The following MACROD2 variants were observed in gnomAD, a reference collection of about 807,000 sequenced individuals.
The protein encoded by MACROD2 is mono-ADP ribosylhydrolase 2, also known as ADP-ribose glycohydrolase MACROD2.
Under a neutral mutation model 70.4 loss-of-function variants are expected in MACROD2, and 36 were observed. That is an observed-to-expected ratio of 0.51 (90% CI 0.39 to 0.68). The LOEUF (loss-of-function observed/expected upper bound fraction) is 0.68. MACROD2 is among the 30% of genes least tolerant of loss of function. The probability of loss-of-function intolerance (pLI) is 0.00; values close to 1 mark genes in which losing one functional copy is unlikely to be tolerated. For synonymous variants in MACROD2, 172 were observed against 178.8 expected, an observed-to-expected ratio of 0.96 and a Z score of 0.30; for missense variants, 496 against 538.4, an observed-to-expected ratio of 0.92 and a Z score of 0.78.
chr20:15,628,964 T>G (rs2049247871), intron 8 of MACROD2, among the ~76,000 whole-genome samples: 2 of 152,262 alleles, frequency 1.3e-5, no homozygotes, highest in African/African-American at 2.4e-5. Flanking sequence ...CATTGCAGTA[T>G]TCTATCACAT....
intron 8 of MACROD2, among the ~76,000 whole-genome samples, chr20:15,513,286 CCT>C (rs36117947): frequency 0.056 from 8,484 of 152,166 alleles, 469 homozygotes; most frequent in East Asian, 0.28. Flanking sequence ...AAGAAAATCC[CCT>C]GTTTTCTAAG....
chr20:14,816,890 C>A (rs951969949), intron 5 of MACROD2, among the ~76,000 whole-genome samples: 2 of 151,664 alleles, frequency 1.3e-5, no homozygotes, highest in East Asian at 3.9e-4. Context: ...TAAATAATTG[C>A]AAAATGTAAA....
At chr20:14,723,624 T>TGCTTTA (rs2071494987) in intron 5 of MACROD2, among the ~76,000 whole-genome samples, 1 of 151,240 alleles carries the variant, frequency 6.6e-6, no homozygotes, top group African/African-American at 2.4e-5. Context: ...TCAAAGACTT[T>TGCTTTA]GCTTTAAATG....
chr20:15,274,638 A>T (rs2077374643), intron 6 of MACROD2, among the ~76,000 whole-genome samples: 1 of 152,224 alleles, frequency 6.6e-6, no homozygotes, highest in African/African-American at 2.4e-5. Context: ...ATTGAGTTTC[A>T]TTCATTCAGT....
intron 8 of MACROD2, among the ~76,000 whole-genome samples, chr20:15,763,802 T>C (rs1224117565): frequency 6.6e-6 from 1 of 152,240 alleles, no homozygotes; most frequent in Non-Finnish European, 1.5e-5. Context: ...AAAGGCTGTG[T>C]AGTTTCATGG....
At chr20:15,287,239 G>T (rs2146099921) in intron 6 of MACROD2, among the ~76,000 whole-genome samples, 1 of 152,282 alleles carries the variant, frequency 6.6e-6, no homozygotes, top group Admixed American at 6.5e-5. Flanking sequence ...AAGAAAGAGA[G>T]CTATTTTCTC....
rs970306874 is a variant in MACROD2 at position 15,322,572 on chromosome 20, C to T, written c.540+92511C>T. 2.8e-5 allele frequency among the ~76,000 whole-genome samples: 4 copies of T among 144,180 alleles called. 1 individual carries two copies. The highest frequency in any genetic ancestry group is 6.9e-5 in the Admixed American group (1 of 14,434). 94.6% of individuals were successfully genotyped at this position (144,180 alleles called of 152,430 possible). ...GAAAACCAAAATTCGTACTCTCCCC[C>T]GCTCAACTATTTAGCCTGAGGTAAT... is the stretch of plus-strand genomic sequence containing the variant. On this transcript the variant is annotated intron_variant, in intron 6 of 17. Coordinates refer to ENST00000684519, the MANE Select transcript of MACROD2 (RefSeq NM_001351661.2).
At chr20:14,147,054 G>A (rs2054952135) in intron 3 of MACROD2, among the ~76,000 whole-genome samples, 1 of 152,166 alleles carries the variant, frequency 6.6e-6, no homozygotes, top group African/African-American at 2.4e-5. Context: ...TGGTAAAAGG[G>A]AAGCCAGGGA....
chr20:15,662,185 T>C (rs1320389308), intron 8 of MACROD2, among the ~76,000 whole-genome samples: 1 of 152,218 alleles, frequency 6.6e-6, no homozygotes, highest in Non-Finnish European at 1.5e-5. Flanking sequence ...CTGTTTATTA[T>C]TTTTCAGAGT....
chr20:15,655,016 C>T (rs1029089431), intron 8 of MACROD2, among the ~76,000 whole-genome samples: 5 of 152,092 alleles, frequency 3.3e-5, no homozygotes, highest in South Asian at 2.1e-4. Context: ...CACTAAGTCT[C>T]GTCTATAGGA....
At chr20:15,175,370 T>C (rs1190479497) in intron 5 of MACROD2, among the ~76,000 whole-genome samples, 3 of 151,974 alleles carry the variant, frequency 2.0e-5, no homozygotes, top group Admixed American at 6.5e-5. Context: ...ATGGCACATG[T>C]ATACATATGT....
chr20:15,970,894 A>G (rs2066220501), intron 13 of MACROD2, among the ~76,000 whole-genome samples: 3 of 152,222 alleles, frequency 2.0e-5, no homozygotes, highest in South Asian at 4.1e-4. Context: ...AGAGCAAAAC[A>G]GGCAATAGAC....
chr20:15,258,649 A>C (rs2077221270), intron 6 of MACROD2, among the ~76,000 whole-genome samples: 1 of 152,056 alleles, frequency 6.6e-6, no homozygotes, highest in Non-Finnish European at 1.5e-5. Flanking sequence ...CACCTAGCAA[A>C]GCATTTCTGA....
chr20:15,968,842 C>G lies in MACROD2; in HGVS notation c.985+1212C>G, dbSNP rs1275052845. Among the ~76,000 whole-genome samples, 1,169 of 125,796 alleles carry G rather than the reference C, an allele frequency of 9.3e-3. 17 individuals are homozygous for G. The highest frequency in any genetic ancestry group is 0.032 in the African/African-American group (1,090 of 34,158). 82.5% of individuals were successfully genotyped at this position (125,796 alleles called of 152,430 possible). A position where few individuals can be genotyped will look rare whatever the true frequency, so the allele number is the denominator to read the frequency against. Reference sequence around the variant, plus strand: ...ATATATATATATATATATATATACACACATATACATATGGAGAGAGAGAGA... The same window carrying G: ...ATATATATATATATATATATATACAGACATATACATATGGAGAGAGAGAGA... On this transcript the variant is annotated intron_variant, in intron 13 of 17. Coordinates refer to ENST00000684519, the MANE Select transcript of MACROD2 (RefSeq NM_001351661.2).
At chr20:15,553,902 T>C (rs1241724393) in intron 8 of MACROD2, among the ~76,000 whole-genome samples, 1 of 152,200 alleles carries the variant, frequency 6.6e-6, no homozygotes, top group African/African-American at 2.4e-5. Context: ...GGAGACTTCA[T>C]CTGAAGAGTT....
chr20:15,321,846 G>A (rs183110452), intron 6 of MACROD2, among the ~76,000 whole-genome samples: 1 of 144,162 alleles, frequency 6.9e-6, no homozygotes, highest in Admixed American at 7.0e-5. Context: ...AGGCTGGAGT[G>A]CAGTTGCATG....
At chr20:15,558,038 A>C (rs2048191787) in intron 8 of MACROD2, among the ~76,000 whole-genome samples, 2 of 152,176 alleles carry the variant, frequency 1.3e-5, no homozygotes, top group Admixed American at 6.5e-5. Flanking sequence ...ATCTCTACCC[A>C]ATTCTATGTG....
intron 3 of MACROD2, among the ~76,000 whole-genome samples, chr20:14,089,500 C>T (rs927537580): frequency 6.6e-6 from 1 of 152,156 alleles, no homozygotes; most frequent in Non-Finnish European, 1.5e-5. Context: ...GTCTTAGTTG[C>T]TATGAATGAA....
chr20:14,767,764 A>T (rs1568784669), intron 5 of MACROD2, among the ~76,000 whole-genome samples: 1 of 151,860 alleles, frequency 6.6e-6, no homozygotes, highest in African/African-American at 2.4e-5. Context: ...TACATTAGGT[A>T]TTTCTCCTAA....
Sources: gnomAD v4.1 joint callset for allele counts (sites outside exome capture counted in the v4.1 genomes callset) on GRCh38, gnomAD v4.1.1 for gene constraint, MANE v1.5 for transcripts, NCBI Gene and HGNC (gene_info 2026-07-23, HGNC 2026-07-21) for gene names.